Variants in ITPR2 observed in about 807,000 individuals in gnomAD.
ITPR2 encodes the protein inositol 1,4,5-trisphosphate-gated calcium channel ITPR2.
In ITPR2, 207 loss-of-function variants were observed where a neutral mutation model predicts 317.1. The observed-to-expected ratio is 0.65, with a 90% CI of 0.58 to 0.73. The LOEUF (loss-of-function observed/expected upper bound fraction) is 0.73, where lower values mean the gene tolerates loss of function less well. Among genes scored for constraint, ITPR2 ranks in the 30% least tolerant of loss-of-function variants. ITPR2 has a pLI of 0.00. For missense variants in ITPR2, 2,613 were observed against 3,284.0 expected (o/e 0.80, Z 4.99); for synonymous variants, 1,156 against 1,149.1 (o/e 1.01, Z -0.12).
At chr12:26,725,579 G>A (rs1177107085) in intron 3 of ITPR2, 71 bp downstream of exon 3, 3 of 1,000,196 alleles carry the variant, frequency 3.0e-6, no homozygotes, top group Non-Finnish European at 4.7e-6. Context: ...AAGCTAGAAA[G>A]CTCTAAATAC....
Position 26,418,179 on chromosome 12 carries a change from G to A in ITPR2, c.7110+870C>T, listed in dbSNP as rs554382439. Among the ~76,000 whole-genome samples the A allele has an allele frequency of 7.9e-5, 12 of 152,278 alleles. 1 individual carries two copies. ...TCAAATCGGTGTGCTAGATAATAGG[G>A]AGGCAGGAGGTGCTGGATTTGTCCC... On this transcript the variant is annotated intron_variant, in intron 50 of 56. Transcript: ENST00000381340.
chr12:26,655,320 A>G (rs1947345469), intron 20 of ITPR2, among the ~76,000 whole-genome samples: 1 of 152,130 alleles, frequency 6.6e-6, no homozygotes, highest in African/African-American at 2.4e-5. Context: ...TATCTTCTAA[A>G]AATGGCAGAG....
chr12:26,594,702 T>C (rs1945797494), intron 32 of ITPR2, among the ~76,000 whole-genome samples: 1 of 151,736 alleles, frequency 6.6e-6, no homozygotes, highest in African/African-American at 2.4e-5. Flanking sequence ...AAAATTAGAT[T>C]TTTTTTTAGA....
chr12:26,379,209 GATA>G (rs1163962456), intron 55 of ITPR2, among the ~76,000 whole-genome samples: 1 of 152,202 alleles, frequency 6.6e-6, no homozygotes, highest in Non-Finnish European at 1.5e-5. Context: ...GTACAATGGG[GATA>G]ATAAGAACAA....
At chr12:26,579,674 A>C (rs1259312676) in intron 33 of ITPR2, among the ~76,000 whole-genome samples, 1 of 152,176 alleles carries the variant, frequency 6.6e-6, no homozygotes, top group East Asian at 1.9e-4. Flanking sequence ...AAGTTTTAGT[A>C]CATAAATCTT....
At chr12:26,717,223 G>T (rs531569731) in intron 5 of ITPR2, among the ~76,000 whole-genome samples, 55 of 152,200 alleles carry the variant, frequency 3.6e-4, no homozygotes, top group African/African-American at 1.3e-3. Flanking sequence ...ATAGATAAAT[G>T]ATAAAACAAA....
At chr12:26,419,541 T>C (rs1940824183) in intron 49 of ITPR2, 2 of 185,354 alleles carry the variant, frequency 1.1e-5, no homozygotes, top group Admixed American at 1.2e-4. Flanking sequence ...TCTTGGCTCT[T>C]CCATTACTGT....
chr12:26,509,467 A>G (rs1448073771), intron 37 of ITPR2, among the ~76,000 whole-genome samples: 1 of 152,234 alleles, frequency 6.6e-6, no homozygotes, highest in African/African-American at 2.4e-5. Context: ...CACTCCTTAA[A>G]TAACATTAAA....
chr12:26,694,288 CTAAA>C (rs1156891532), intron 10 of ITPR2, among the ~76,000 whole-genome samples: 1 of 152,174 alleles, frequency 6.6e-6, no homozygotes, highest in African/African-American at 2.4e-5. Context: ...ACAAAAATGA[CTAAA>C]TATCCCTCTC....
intron 34 of ITPR2, among the ~76,000 whole-genome samples, chr12:26,568,081 C>G (rs960256630): frequency 2.7e-5 from 4 of 146,006 alleles, no homozygotes; most frequent in Non-Finnish European, 6.0e-5. Flanking sequence ...AGCAGTTATT[C>G]TCTGCCCCAT....
intron 25 of ITPR2, among the ~76,000 whole-genome samples, chr12:26,621,538 GAA>G (rs983004098): frequency 4.6e-5 from 7 of 151,990 alleles, no homozygotes; most frequent in Admixed American, 2.0e-4. Flanking sequence ...GACTCTGTTT[GAA>G]AAGAGGCAGA....
chr12:26,718,801 G>A (rs1053947809), intron 5 of ITPR2, among the ~76,000 whole-genome samples: 8 of 151,792 alleles, frequency 5.3e-5, no homozygotes, highest in African/African-American at 1.5e-4. Flanking sequence ...TAGTAGATAC[G>A]GGGTTTCACT....
At chr12:26,368,328 G>GTA (rs1041778824) in intron 55 of ITPR2, among the ~76,000 whole-genome samples, 2 of 152,140 alleles carry the variant, frequency 1.3e-5, no homozygotes, top group Non-Finnish European at 2.9e-5. Context: ...ATCTAGTCTT[G>GTA]TATATATAAA....
chr12:26,496,710 G>C (rs551025737), intron 37 of ITPR2, among the ~76,000 whole-genome samples: 1 of 151,984 alleles, frequency 6.6e-6, no homozygotes, highest in Non-Finnish European at 1.5e-5. Context: ...TTGGGAGGCC[G>C]AGGCGGGCAG....
At chr12:26,487,883 A>G (rs1359011231) in intron 39 of ITPR2, among the ~76,000 whole-genome samples, 1 of 152,238 alleles carries the variant, frequency 6.6e-6, no homozygotes, top group Admixed American at 6.5e-5. Flanking sequence ...TTGGTTCCTC[A>G]TTAGCTACAT....
intron 37 of ITPR2, among the ~76,000 whole-genome samples, chr12:26,508,794 T>A (rs570987706): frequency 1.7e-4 from 26 of 152,262 alleles, no homozygotes; most frequent in Admixed American, 7.8e-4. Flanking sequence ...ATTGGGACCC[T>A]CATACACTGC....
intron 45 of ITPR2, among the ~76,000 whole-genome samples, chr12:26,453,718 G>A (rs1309585706): frequency 2.6e-5 from 4 of 152,154 alleles, no homozygotes. Context: ...TACTTGAGTT[G>A]CTTCTTCCAG....
chr12:26,503,160 A>G (rs757868955), intron 37 of ITPR2, among the ~76,000 whole-genome samples: 9 of 138,438 alleles, frequency 6.5e-5, no homozygotes, highest in Non-Finnish European at 1.4e-4. Flanking sequence ...GCAAGGAAAC[A>G]ATGGGGTAGA....
intron 26 of ITPR2, among the ~76,000 whole-genome samples, chr12:26,617,948 G>A (rs532402677): frequency 7.6e-4 from 115 of 152,146 alleles, no homozygotes; most frequent in African/African-American, 2.6e-3. Flanking sequence ...AAGTTACTAC[G>A]GTAGAAGCTC....
Sources: allele counts gnomAD v4.1 joint callset (sites outside exome capture counted in the v4.1 genomes callset), GRCh38; gene constraint gnomAD v4.1.1; transcripts MANE v1.5; gene names NCBI Gene and HGNC (gene_info 2026-07-23, HGNC 2026-07-21).